The following STK3 variants were observed in gnomAD, a reference collection of about 807,000 sequenced individuals.
The protein encoded by STK3 is serine/threonine kinase 3.
Under a neutral mutation model 58.0 loss-of-function variants are expected in STK3, and 41 were observed. The observed-to-expected ratio is 0.71, with a 90% CI of 0.55 to 0.92. STK3 has a LOEUF of 0.92. Among genes scored for constraint, STK3 ranks in the 40% least tolerant of loss-of-function variants. The pLI, the probability that STK3 is intolerant of heterozygous loss-of-function variation, is 0.00. For synonymous variants in STK3, 170 were observed against 191.0 expected (o/e 0.89, Z 0.91); for missense variants, 479 against 602.7 (o/e 0.79, Z 2.15).
intron 6 of STK3, among the ~76,000 whole-genome samples, chr8:98,680,906 G>A (rs1823580474): frequency 6.6e-6 from 1 of 151,612 alleles, no homozygotes; most frequent in Admixed American, 6.6e-5. Flanking sequence ...AAGATGTGGT[G>A]GGAATCCATT....
intron 10 of STK3, among the ~76,000 whole-genome samples, chr8:98,491,503 C>CG (rs1487978355): frequency 6.6e-6 from 1 of 151,702 alleles, no homozygotes; most frequent in Non-Finnish European, 1.5e-5. Context: ...TGCAGTGGCA[C>CG]GATCTCAGCT....
upstream of STK3, among the ~76,000 whole-genome samples, chr8:98,828,789 C>CAA (rs1835422322): frequency 6.6e-6 from 1 of 152,176 alleles, no homozygotes; most frequent in Non-Finnish European, 1.5e-5. Flanking sequence ...GTATATATGT[C>CAA]CGTAGTACCC....
intron 8 of STK3, among the ~76,000 whole-genome samples, chr8:98,569,626 C>T (rs1398234757): frequency 5.9e-5 from 9 of 151,876 alleles, no homozygotes; most frequent in South Asian, 4.2e-4. Flanking sequence ...GTAACAAAAA[C>T]GGAGACAATT....
intron 2 of STK3, among the ~76,000 whole-genome samples, chr8:98,767,818 G>A (rs889550585): frequency 8.5e-5 from 13 of 152,120 alleles, no homozygotes; most frequent in African/African-American, 2.9e-4. Flanking sequence ...ACCCTCAGCT[G>A]GGGACCATAT....
At chr8:98,491,721 C>T (rs1822717855) in intron 10 of STK3, among the ~76,000 whole-genome samples, 1 of 152,116 alleles carries the variant, frequency 6.6e-6, no homozygotes, top group South Asian at 2.1e-4. Flanking sequence ...GATATGGGTT[C>T]ATAGGTCAAA....
At chr8:98,623,642 G>A (rs188010076) in intron 6 of STK3, among the ~76,000 whole-genome samples, 5 of 152,288 alleles carry the variant, frequency 3.3e-5, no homozygotes, top group East Asian at 1.9e-4. Flanking sequence ...CAATTAGCCA[G>A]GCATGGTGGT....
chr8:98,713,711 G>A (rs1169735537), intron 4 of STK3, among the ~76,000 whole-genome samples: 3 of 152,114 alleles, frequency 2.0e-5, no homozygotes, highest in African/African-American at 7.2e-5. Context: ...AGGAGGAGCT[G>A]GTATCATTCC....
intron 10 of STK3, among the ~76,000 whole-genome samples, chr8:98,469,286 A>G (rs368085952): frequency 3.0e-4 from 45 of 151,242 alleles, no homozygotes; most frequent in African/African-American, 1.0e-3. Flanking sequence ...ATGGCGCCAA[A>G]TTAGATTTTT....
chr8:98,589,626 C>G (rs1031431846), intron 7 of STK3, among the ~76,000 whole-genome samples: 4 of 152,206 alleles, frequency 2.6e-5, no homozygotes, highest in Admixed American at 2.0e-4. Context: ...TGGGCTCCAC[C>G]CAGTTCGAGC....
At chr8:98,641,768 G>A (rs1217611334) in intron 6 of STK3, among the ~76,000 whole-genome samples, 1 of 152,194 alleles carries the variant, frequency 6.6e-6, no homozygotes, top group African/African-American at 2.4e-5. Context: ...GAGTAGAGGG[G>A]AAGAAGCCTC....
chr8:98,554,324 T>A (rs1811435514), intron 8 of STK3, among the ~76,000 whole-genome samples: 7 of 152,186 alleles, frequency 4.6e-5, no homozygotes, highest in Admixed American at 3.9e-4. Flanking sequence ...ACACTAACTC[T>A]ATTTTAACAC....
At chr8:98,378,310 A>C (rs1817696089) in intron 2 of STK3, among the ~76,000 whole-genome samples, 2 of 152,156 alleles carry the variant, frequency 1.3e-5, no homozygotes, top group South Asian at 4.1e-4. Flanking sequence ...CTTCTTGAAG[A>C]GTTACTTTGT....
chr8:98,566,988 A>G (rs1297850549), intron 8 of STK3, among the ~76,000 whole-genome samples: 1 of 152,214 alleles, frequency 6.6e-6, no homozygotes, highest in African/African-American at 2.4e-5. Context: ...AGAAAAAAAG[A>G]AAAGAACCAG....
intron 4 of STK3, among the ~76,000 whole-genome samples, chr8:98,715,244 A>G (rs895986556): frequency 2.0e-5 from 3 of 152,206 alleles, no homozygotes; most frequent in Non-Finnish European, 2.9e-5. Flanking sequence ...TGTCTAAAAC[A>G]CCAAAAGCAA....
intron 10 of STK3, among the ~76,000 whole-genome samples, chr8:98,466,883 G>C (rs1441826338): frequency 2.0e-5 from 3 of 152,122 alleles, no homozygotes. Context: ...GATCATGGAA[G>C]TTCTCTACAC....
chr8:98,676,802 T>C (rs965268294), intron 6 of STK3, among the ~76,000 whole-genome samples: 9 of 152,190 alleles, frequency 5.9e-5, no homozygotes, highest in Non-Finnish European at 1.3e-4. Context: ...ATTTCCACAA[T>C]ATTTTTAAAA....
chr8:98,897,310 C>A (rs1838489372), intron 1 of STK3, among the ~76,000 whole-genome samples: 1 of 152,200 alleles, frequency 6.6e-6, no homozygotes, highest in Non-Finnish European at 1.5e-5. Context: ...GTAATCCTAG[C>A]ACTTTGGGAG....
chr8:98,583,575 T>C (rs1814132329), intron 7 of STK3, among the ~76,000 whole-genome samples: 1 of 152,190 alleles, frequency 6.6e-6, no homozygotes, highest in African/African-American at 2.4e-5. Flanking sequence ...GTGGTTTGGA[T>C]GAAGTACCTT....
chr8:98,630,330 A>G (rs1157625055), intron 6 of STK3, among the ~76,000 whole-genome samples: 1 of 152,210 alleles, frequency 6.6e-6, no homozygotes, highest in African/African-American at 2.4e-5. Flanking sequence ...CTTAGAGAAT[A>G]AAATGTGAAG....
Sources: gnomAD v4.1 joint callset for allele counts (sites outside exome capture counted in the v4.1 genomes callset) on GRCh38, gnomAD v4.1.1 for gene constraint, MANE v1.5 for transcripts, NCBI Gene and HGNC (gene_info 2026-07-23, HGNC 2026-07-21) for gene names.